Variants in CDH18 observed in about 807,000 individuals in gnomAD.
CDH18 encodes the protein cadherin 18.
Under a neutral mutation model 67.9 loss-of-function variants are expected in CDH18, and 31 were observed. The ratio of observed to expected loss-of-function variants is 0.46; its 90% CI spans 0.34 to 0.62. The LOEUF (loss-of-function observed/expected upper bound fraction) is 0.62. CDH18 is among the 20% of genes least tolerant of loss of function. The pLI is 0.01. For synonymous variants in CDH18, 362 were observed against 347.2 expected (o/e 1.04, Z -0.48); for missense variants, 890 against 975.5 (o/e 0.91, Z 1.17).
intron 2 of CDH18, among the ~76,000 whole-genome samples, chr5:19,927,464 T>C (rs527596347): frequency 1.6e-4 from 25 of 152,298 alleles, no homozygotes; most frequent in African/African-American, 5.8e-4. Flanking sequence ...CAACTCCAGA[T>C]ACTGAATTCT....
At chr5:20,463,338 T>C (rs1451801502) in intron 1 of CDH18, among the ~76,000 whole-genome samples, 2 of 151,972 alleles carry the variant, frequency 1.3e-5, no homozygotes, top group Non-Finnish European at 2.9e-5. Flanking sequence ...GATGCAGACG[T>C]ATCTTGTCAG....
At chr5:19,768,037 C>A (rs924884311) in intron 3 of CDH18, among the ~76,000 whole-genome samples, 1 of 152,140 alleles carries the variant, frequency 6.6e-6, no homozygotes, top group Admixed American at 6.6e-5. Flanking sequence ...AAATCAAGGT[C>A]AAAATCAGCA....
chr5:19,543,333 A>C (rs993053867), intron 9 of CDH18, among the ~76,000 whole-genome samples: 1 of 152,120 alleles, frequency 6.6e-6, no homozygotes, highest in Non-Finnish European at 1.5e-5. Flanking sequence ...GTAGAACAAG[A>C]GTCATCCTCA....
intron 2 of CDH18, among the ~76,000 whole-genome samples, chr5:19,924,190 A>C (rs1004351133): frequency 1.1e-4 from 17 of 152,150 alleles, no homozygotes; most frequent in Non-Finnish European, 1.5e-5. Flanking sequence ...GGGAGAGGTA[A>C]GCTTTGAGAG....
chr5:20,126,546 A>G (rs993427960), intron 2 of CDH18, among the ~76,000 whole-genome samples: 62 of 152,186 alleles, frequency 4.1e-4, no homozygotes, highest in African/African-American at 1.3e-3. Context: ...GAGAAAAAGT[A>G]TTTTTAAATT....
At chr5:20,423,818 G>T (rs1748050776) in intron 1 of CDH18, among the ~76,000 whole-genome samples, 1 of 149,936 alleles carries the variant, frequency 6.7e-6, no homozygotes, top group Non-Finnish European at 1.5e-5. Flanking sequence ...GTGGTGATGG[G>T]CGCCTGTAGT....
chr5:20,058,274 G>C (rs1742169194), intron 2 of CDH18, among the ~76,000 whole-genome samples: 1 of 152,114 alleles, frequency 6.6e-6, no homozygotes, highest in South Asian at 2.1e-4. Flanking sequence ...TGTTCACACA[G>C]TTACTATTTT....
At chr5:20,503,619 G>A (rs556488381) in intron 1 of CDH18, among the ~76,000 whole-genome samples, 13 of 152,306 alleles carry the variant, frequency 8.5e-5, no homozygotes, top group South Asian at 4.1e-4. Context: ...GAGATGAATA[G>A]CAATAGATTT....
At chr5:20,356,076 C>A (rs1256857791) in intron 1 of CDH18, among the ~76,000 whole-genome samples, 1 of 151,878 alleles carries the variant, frequency 6.6e-6, no homozygotes, top group African/African-American at 2.4e-5. Flanking sequence ...GTTTTAAAAC[C>A]CACTCTAAAA....
chr5:19,903,978 G>T (rs115750274), intron 2 of CDH18, among the ~76,000 whole-genome samples: 2,891 of 151,864 alleles, frequency 0.019, 88 homozygotes, highest in African/African-American at 0.066. Flanking sequence ...CAGCGTATAC[G>T]AAATCAGACA....
intron 5 of CDH18, among the ~76,000 whole-genome samples, chr5:19,716,187 G>A (rs1765318185): frequency 6.6e-6 from 1 of 152,012 alleles, no homozygotes; most frequent in South Asian, 2.1e-4. Flanking sequence ...TGGACTAAGA[G>A]CATTGCCCTC....
intron 5 of CDH18, among the ~76,000 whole-genome samples, chr5:19,719,905 GAAAGAAAGAAAGAAAGAA>G (rs1561139109): frequency 1.7e-5 from 1 of 59,316 alleles, no homozygotes; most frequent in Non-Finnish European, 4.9e-5. Context: ...TTAAGCAAGA[GAAAGAAAGAAAGAAAGAA>G]AGAAAGAAAG....
intron 2 of CDH18, among the ~76,000 whole-genome samples, chr5:20,106,131 A>G (rs1005003726): frequency 4.6e-5 from 7 of 152,084 alleles, no homozygotes; most frequent in African/African-American, 1.7e-4. Flanking sequence ...AGGAGGAGAG[A>G]GGTTGTGTCA....
chr5:20,551,175 T>C (rs1230977726), intron 1 of CDH18, among the ~76,000 whole-genome samples: 1 of 152,188 alleles, frequency 6.6e-6, no homozygotes, highest in African/African-American at 2.4e-5. Context: ...AGCTATGAGA[T>C]AAATATTATC....
At chr5:19,480,297 T>C (rs1212009918) in intron 12 of CDH18, among the ~76,000 whole-genome samples, 1 of 151,968 alleles carries the variant, frequency 6.6e-6, no homozygotes, top group Non-Finnish European at 1.5e-5. Context: ...AAAAAAGAAG[T>C]ATGTTAATAT....
chr5:20,368,817 T>C (rs1742732904), intron 1 of CDH18, among the ~76,000 whole-genome samples: 1 of 152,142 alleles, frequency 6.6e-6, no homozygotes, highest in South Asian at 2.1e-4. Context: ...ATTTCATAAA[T>C]TCATTGCCCT....
At chr5:19,747,983 G>A (rs1283868636) in intron 3 of CDH18, among the ~76,000 whole-genome samples, 3 of 150,132 alleles carry the variant, frequency 2.0e-5, no homozygotes, top group Admixed American at 6.6e-5. Context: ...CGTGGTGGCG[G>A]GCGCCTGTAG....
intron 2 of CDH18, among the ~76,000 whole-genome samples, chr5:20,095,403 G>GA (rs1554089629): frequency 8.7e-6 from 1 of 115,238 alleles, no homozygotes; most frequent in African/African-American, 3.4e-5. Context: ...AAGAAAGAAA[G>GA]AAAGAAAGAA....
intron 2 of CDH18, among the ~76,000 whole-genome samples, chr5:20,161,316 A>G (rs113487459): frequency 3.5e-4 from 53 of 152,254 alleles, no homozygotes; most frequent in African/African-American, 1.3e-3. Flanking sequence ...CTCATAGTTC[A>G]GTAGACTTGT....
Sources: allele counts gnomAD v4.1 joint callset (sites outside exome capture counted in the v4.1 genomes callset), GRCh38; gene constraint gnomAD v4.1.1; transcripts MANE v1.5; gene names NCBI Gene and HGNC (gene_info 2026-07-23, HGNC 2026-07-21).